The following FRMD4A variants were observed in gnomAD, a reference collection of about 807,000 sequenced individuals.
FRMD4A encodes the protein FERM domain containing 4A.
A neutral mutation model predicts 129.1 loss-of-function variants in FRMD4A; 29 were observed. That is an observed-to-expected ratio of 0.22 (90% CI 0.17 to 0.31). FRMD4A has a LOEUF of 0.31. FRMD4A is among the 10% of genes least tolerant of loss of function. The pLI, the probability that FRMD4A is intolerant of heterozygous loss-of-function variation, is 1.00. For synonymous variants in FRMD4A, 634 were observed against 571.6 expected, an observed-to-expected ratio of 1.11 and a Z score of -1.56; for missense variants, 1,272 against 1,375.8, an observed-to-expected ratio of 0.92 and a Z score of 1.19.
chr10:14,168,954 G>A (rs1413795952), intron 2 of FRMD4A, among the ~76,000 whole-genome samples: 1 of 758 alleles, frequency 1.3e-3, no homozygotes, highest in African/African-American at 6.8e-3. Context: ...ATTCACAGAT[G>A]CCTTGAAGGG....
chr10:14,246,867 G>A (rs927878297), intron 2 of FRMD4A, among the ~76,000 whole-genome samples: 1 of 152,152 alleles, frequency 6.6e-6, no homozygotes, highest in Non-Finnish European at 1.5e-5. Flanking sequence ...GGGAGGGAGT[G>A]TGAGACAGGA....
intron 2 of FRMD4A, among the ~76,000 whole-genome samples, chr10:13,864,088 C>T (rs1037387284): frequency 7.2e-5 from 11 of 151,798 alleles, no homozygotes; most frequent in Admixed American, 3.9e-4. Context: ...CTCCACCTCC[C>T]GGGTTCAAGC....
intron 2 of FRMD4A, among the ~76,000 whole-genome samples, chr10:14,055,438 T>TACAC (rs71388154): frequency 7.3e-6 from 1 of 136,956 alleles, no homozygotes. Context: ...CTGATCTAGC[T>TACAC]ACACACACAC....
At chr10:14,148,292 G>T (rs1056312467) in intron 2 of FRMD4A, among the ~76,000 whole-genome samples, 1 of 152,084 alleles carries the variant, frequency 6.6e-6, no homozygotes, top group South Asian at 2.1e-4. Context: ...TTTATATGTC[G>T]TGACTGTTTT....
intron 6 of FRMD4A, among the ~76,000 whole-genome samples, chr10:13,780,360 C>A (rs17153999): frequency 0.014 from 2,121 of 151,882 alleles, 97 homozygotes; most frequent in South Asian, 0.12. Flanking sequence ...AGTCGCAGTT[C>A]CTAACCTCAG....
At chr10:14,021,257 G>A (rs900604370) in intron 2 of FRMD4A, among the ~76,000 whole-genome samples, 3 of 152,022 alleles carry the variant, frequency 2.0e-5, no homozygotes, top group African/African-American at 7.2e-5. Context: ...AAAGCTGGGG[G>A]GTCCAGACAT....
intron 12 of FRMD4A, among the ~76,000 whole-genome samples, chr10:13,732,696 G>A (rs749925938): frequency 1.3e-5 from 2 of 152,208 alleles, no homozygotes; most frequent in African/African-American, 4.8e-5. Context: ...CTGGAGGCTC[G>A]AGGTGGCAGA....
intron 2 of FRMD4A, among the ~76,000 whole-genome samples, chr10:14,102,785 C>T (rs942874194): frequency 7.1e-6 from 1 of 140,282 alleles, no homozygotes; most frequent in Non-Finnish European, 1.6e-5. Flanking sequence ...AAAAAAAAGT[C>T]CTGCAGAAAT....
chr10:14,032,153 A>G lies in FRMD4A; in HGVS notation c.46-173241T>C, dbSNP rs556262664. Among the ~76,000 whole-genome samples, 6 of 152,328 alleles carry G rather than the reference A, an allele frequency of 3.9e-5. No individual in the cohort carries two copies. In the South Asian group the frequency reaches 1.0e-3, roughly 26 times the overall value. On this transcript the variant is annotated intron_variant, in intron 2 of 24. Transcript: ENST00000357447. ...CCCTTACTGTCCTCAAATAAAATTCATGGATCGTGCAACCTGCTTACACAT... is the reference window on the plus strand; with the variant it reads ...CCCTTACTGTCCTCAAATAAAATTCGTGGATCGTGCAACCTGCTTACACAT...
At chr10:14,027,654 C>G (rs1833045763) in intron 2 of FRMD4A, among the ~76,000 whole-genome samples, 1 of 152,134 alleles carries the variant, frequency 6.6e-6, no homozygotes, top group Non-Finnish European at 1.5e-5. Flanking sequence ...AAAAATCAAA[C>G]AGTCAGTGCA....
At chr10:14,049,726 T>A (rs1834168216) in intron 2 of FRMD4A, among the ~76,000 whole-genome samples, 1 of 152,060 alleles carries the variant, frequency 6.6e-6, no homozygotes, top group South Asian at 2.1e-4. Context: ...ATGGTGGCGC[T>A]CGCCTAGAAT....
chr10:14,102,482 T>G (rs1837360007), intron 2 of FRMD4A, among the ~76,000 whole-genome samples: 1 of 152,154 alleles, frequency 6.6e-6, no homozygotes, highest in Non-Finnish European at 1.5e-5. Flanking sequence ...AATTCCCTAC[T>G]TATTTCTCAT....
At chr10:14,306,030 G>A (rs993486270) in intron 2 of FRMD4A, among the ~76,000 whole-genome samples, 1 of 152,130 alleles carries the variant, frequency 6.6e-6, no homozygotes, top group Non-Finnish European at 1.5e-5. Context: ...GGATGCTAAG[G>A]CTTAATACCT....
At chr10:14,212,901 C>A (rs1842971141) in intron 2 of FRMD4A, among the ~76,000 whole-genome samples, 1 of 152,126 alleles carries the variant, frequency 6.6e-6, no homozygotes, top group African/African-American at 2.4e-5. Context: ...GGTGTGAAGC[C>A]CTCGGAGAAG....
chr10:14,117,791 C>T (rs1838277781), intron 2 of FRMD4A, among the ~76,000 whole-genome samples: 2 of 152,188 alleles, frequency 1.3e-5, no homozygotes, highest in Non-Finnish European at 2.9e-5. Flanking sequence ...TTTTGATGGA[C>T]TTTTGCCTTC....
intron 2 of FRMD4A, among the ~76,000 whole-genome samples, chr10:14,116,202 T>C (rs936433283): frequency 6.6e-6 from 1 of 152,242 alleles, no homozygotes; most frequent in Non-Finnish European, 1.5e-5. Flanking sequence ...ATCATTACTC[T>C]GTTCTATTAG....
intron 2 of FRMD4A, among the ~76,000 whole-genome samples, chr10:14,159,330 T>G (rs1225500077): frequency 6.6e-6 from 1 of 152,110 alleles, no homozygotes; most frequent in Non-Finnish European, 1.5e-5. Context: ...AATAATGAAG[T>G]CGCTGAAAAA....
chr10:13,874,496 A>G (rs2094470597), intron 2 of FRMD4A, among the ~76,000 whole-genome samples: 3 of 152,190 alleles, frequency 2.0e-5, no homozygotes, highest in Non-Finnish European at 4.4e-5. Flanking sequence ...CATAAAGATC[A>G]TTCTAAACAA....
At chr10:13,734,619 A>C in intron 12 of FRMD4A, among the ~76,000 whole-genome samples, 2 of 150,360 alleles carry the variant, frequency 1.3e-5, no homozygotes, top group Admixed American at 6.7e-5. Context: ...GACCCCACTC[A>C]CTCTCTGCTT....
Sources: gnomAD v4.1 joint callset for allele counts (sites outside exome capture counted in the v4.1 genomes callset) on GRCh38, gnomAD v4.1.1 for gene constraint, MANE v1.5 for transcripts, NCBI Gene and HGNC (gene_info 2026-07-23, HGNC 2026-07-21) for gene names.